KCTD7: variants seen among roughly 807,000 people sequenced by gnomAD.
KCTD7 encodes the protein potassium channel tetramerization domain containing 7.
In KCTD7, 15 loss-of-function variants were observed where a neutral mutation model predicts 27.0. That is an observed-to-expected ratio of 0.56 (90% CI 0.37 to 0.86). KCTD7 has a LOEUF of 0.86. Ranked by LOEUF, KCTD7 falls within the 40% of genes least tolerant of loss-of-function variation. KCTD7 has a pLI of 0.00. For synonymous variants in KCTD7, 159 were observed against 162.7 expected, an observed-to-expected ratio of 0.98 and a Z score of 0.17; for missense variants, 299 against 398.9, an observed-to-expected ratio of 0.75 and a Z score of 2.13.
intron 2 of KCTD7, among the ~76,000 whole-genome samples, chr7:66,637,285 C>T (rs150016646): frequency 3.7e-4 from 57 of 152,220 alleles, no homozygotes; most frequent in African/African-American, 1.2e-3. Flanking sequence ...GGAGTTTCAC[C>T]GTTTTGGCCA....
At position 66,641,256 on chromosome 7, in the gene KCTD7, A is replaced by G; in HGVS notation, c.*2024A>G. On this transcript the variant is annotated 3_prime_UTR_variant, in exon 4 of 4. Transcript: ENST00000639828. ...TATTGTTCTAAGAGAAAAGGCTTTC[A>G]TTTTGGTTCTTCTGATTGGTGTTAC... 1.0e-6 allele frequency: 1 copy of G among 985,274 alleles called. No homozygotes were observed. Among genetic ancestry groups the G allele is most frequent in the Non-Finnish European group, 1.2e-6 (1 of 829,910 alleles). 61.0% of individuals were successfully genotyped at this position (985,274 alleles called of 1,614,324 possible).
Position 66,641,029 on chromosome 7 carries a change from A to G in KCTD7, c.*1797A>G. The G allele has an allele frequency of 1.0e-6, 1 of 985,434 alleles. No homozygotes were observed. The highest frequency in any genetic ancestry group is 1.2e-6 in the Non-Finnish European group (1 of 829,968). The allele number at this position is 985,434 out of a possible 1,614,324, so 61.0% of individuals were successfully genotyped here. On this transcript the variant is annotated 3_prime_UTR_variant, in exon 4 of 4. Transcript: ENST00000639828. ...GATCTCCTGTTCCCTATGTGTAAACAAAGATTCCAGGGCGTGGTTTTGCAC... is the reference window on the plus strand; with the variant it reads ...GATCTCCTGTTCCCTATGTGTAAACGAAGATTCCAGGGCGTGGTTTTGCAC...
chr7:66,642,548 C>G lies in KCTD7; in HGVS notation c.*3316C>G. On this transcript the variant is annotated 3_prime_UTR_variant, in exon 4 of 4. Coordinates refer to ENST00000639828, the MANE Select transcript of KCTD7 (RefSeq NM_153033.5). Reference sequence around the variant, plus strand: ...GCAAACAGCAATAACAAAACAAAAACTACTGATGCTGAGCGTTTTGATCCT... The same window carrying G: ...GCAAACAGCAATAACAAAACAAAAAGTACTGATGCTGAGCGTTTTGATCCT... 4 of 985,352 alleles carry G rather than the reference C, an allele frequency of 4.1e-6. No homozygotes were observed. Among genetic ancestry groups the G allele is most frequent in the Non-Finnish European group, 4.8e-6 (4 of 829,852 alleles). The allele number at this position is 985,352 out of a possible 1,614,324, so 61.0% of individuals were successfully genotyped here.
chr7:66,634,738 A>T (rs1165642586), intron 2 of KCTD7, among the ~76,000 whole-genome samples: 1 of 130,694 alleles, frequency 7.7e-6, no homozygotes, highest in African/African-American at 3.1e-5. Context: ...ATAAAAAGAG[A>T]TGGAAGACTG....
At position 66,640,489 on chromosome 7, in the gene KCTD7, T is replaced by C. The variant is rs1786690881; in HGVS notation, c.*1257T>C. 14 of 1,533,660 alleles carry C rather than the reference T, an allele frequency of 9.1e-6. No individual in the cohort carries two copies. Among genetic ancestry groups the C allele is most frequent in the Non-Finnish European group, 1.2e-5 (14 of 1,145,524 alleles). On this transcript the variant is annotated 3_prime_UTR_variant, in exon 4 of 4. Transcript: ENST00000639828. ...ACTAGTCAGGGTCTGGACATGCATC[T>C]CCTAAAGGAAGAACTGTGTAGCACC...
At chr7:66,634,352 T>G (rs536615493) in intron 2 of KCTD7, among the ~76,000 whole-genome samples, 62 of 151,976 alleles carry the variant, frequency 4.1e-4, no homozygotes, top group Admixed American at 3.3e-4. Context: ...GTTTTAGGTG[T>G]TGTTTTTTTT....
intron 2 of KCTD7, among the ~76,000 whole-genome samples, chr7:66,634,109 T>TATAC (rs1199401511): frequency 6.7e-5 from 5 of 74,392 alleles, no homozygotes; most frequent in Non-Finnish European, 1.3e-4. Flanking sequence ...TGGGTGTGTG[T>TATAC]ATACATATAT....
intron 1 of KCTD7, among the ~76,000 whole-genome samples, chr7:66,630,608 T>C (rs1786423267): frequency 6.6e-6 from 1 of 152,188 alleles, no homozygotes; most frequent in Non-Finnish European, 1.5e-5. Flanking sequence ...GGGAAGCAGA[T>C]AGTGTTGTGC....
Position 66,640,836 on chromosome 7 carries a change from T to A in KCTD7, c.*1604T>A. On this transcript the variant is annotated 3_prime_UTR_variant, in exon 4 of 4. Coordinates refer to ENST00000639828, the MANE Select transcript of KCTD7 (RefSeq NM_153033.5). ...AGCCTGGGCAACACCATCGTAAAAA[T>A]AAATAAATAAATAAATAAATTGGGG... 1 of 935,376 alleles carries A rather than the reference T, an allele frequency of 1.1e-6. No homozygotes were observed. The highest frequency in any genetic ancestry group is 1.2e-4 in the East Asian group (1 of 8,636). The allele number at this position is 935,376 out of a possible 1,614,324, so 57.9% of individuals were successfully genotyped here. A position where few individuals can be genotyped will look rare whatever the true frequency, so the allele number is the denominator to read the frequency against.
intron 1 of KCTD7, among the ~76,000 whole-genome samples, chr7:66,631,922 A>G (rs1584394783): frequency 6.6e-6 from 1 of 152,194 alleles, no homozygotes; most frequent in Non-Finnish European, 1.5e-5. Flanking sequence ...ATTGGTGACC[A>G]AGATGCTTTC....
At chr7:66,631,554 A>G (rs1265616150) in intron 1 of KCTD7, among the ~76,000 whole-genome samples, 1 of 149,632 alleles carries the variant, frequency 6.7e-6, no homozygotes, top group Non-Finnish European at 1.5e-5. Context: ...GGGTGTTGCA[A>G]TGAGATTCCG....
intron 1 of KCTD7, among the ~76,000 whole-genome samples, chr7:66,630,306 C>T (rs551391632): frequency 2.0e-5 from 3 of 152,130 alleles, no homozygotes; most frequent in South Asian, 4.2e-4. Context: ...AGAAGGGAAA[C>T]GATGCCAGGT....
In KCTD7 at chr7:66,642,445, A is replaced by C. The variant is rs1054146651; in HGVS notation, c.*3213A>C. On this transcript the variant is annotated 3_prime_UTR_variant, in exon 4 of 4. Transcript: ENST00000639828. The stretch of plus-strand genomic sequence containing the variant: ...CTGGGCTGCTTGCTGGAGGAATAGG[A>C]AGTGACATTTATAAGACACAGGCGG... The C allele has an allele frequency of 2.0e-6, 2 of 985,310 alleles. No homozygotes were observed. Among genetic ancestry groups the C allele is most frequent in the African/African-American group, 3.5e-5 (2 of 57,234 alleles). The allele number at this position is 985,310 out of a possible 1,614,324, so 61.0% of individuals were successfully genotyped here.
At position 66,639,804 on chromosome 7, in the gene KCTD7, T is replaced by C; in HGVS notation, c.*572T>C. On this transcript the variant is annotated 3_prime_UTR_variant, in exon 4 of 4. Coordinates refer to ENST00000639828, the MANE Select transcript of KCTD7 (RefSeq NM_153033.5). The stretch of plus-strand genomic sequence containing the variant: ...ACATTCCCAAAATGTGGAAAGACTT[T>C]TCTTTTCCTTCCGGAACATGTTCTT... 1 of 1,249,990 alleles carries C rather than the reference T, an allele frequency of 8.0e-7. No individual in the cohort carries two copies. The highest frequency in any genetic ancestry group is 1.0e-6 in the Non-Finnish European group (1 of 998,398). 77.4% of individuals were successfully genotyped at this position (1,249,990 alleles called of 1,614,324 possible).
intron 1 of KCTD7, among the ~76,000 whole-genome samples, chr7:66,632,499 A>G (rs546386504): frequency 2.7e-5 from 4 of 150,206 alleles, no homozygotes; most frequent in Admixed American, 2.7e-4. Context: ...AAAAAAAAAA[A>G]AAAAAAGAAA....
Position 66,629,214 on chromosome 7 carries a change from CG to C in KCTD7, c.144+9del, listed in dbSNP as rs1320825927. ...TGCCCCTGCTGCCACAGGAGGTACC[CG>C]GGCGGGCGGCGGGCCGCGGGGCGTG... On this transcript the variant is annotated splice_region_variant and intron_variant, in intron 1 of 3. Coordinates refer to ENST00000639828, the MANE Select transcript of KCTD7 (RefSeq NM_153033.5). 3 of 1,223,598 alleles carry C rather than the reference CG, an allele frequency of 2.5e-6. No individual in the cohort carries two copies. Among genetic ancestry groups the C allele is most frequent in the Non-Finnish European group, 3.1e-6 (3 of 968,434 alleles). The allele number at this position is 1,223,598 out of a possible 1,614,324, so 75.8% of individuals were successfully genotyped here. A position where few individuals can be genotyped will look rare whatever the true frequency, so the allele number is the denominator to read the frequency against.
intron 1 of KCTD7, 80 bp downstream of exon 1, chr7:66,629,288 C>G: frequency 6.9e-5 from 10 of 144,624 alleles, no homozygotes; most frequent in East Asian, 2.4e-4. Context: ...CGGTCCTCGG[C>G]GGGTGGGCGG....
chr7:66,640,767 C>A lies in KCTD7; in HGVS notation c.*1535C>A. 9.8e-7 allele frequency: 1 copy of A among 1,024,084 alleles called. No homozygotes were observed. 63.4% of individuals were successfully genotyped at this position (1,024,084 alleles called of 1,614,324 possible). ...ATCACTTGAGCCCAGGAGATTAAGACTGTAGTATACTATGATCGTGCCTGT... is the reference window on the plus strand; with the variant it reads ...ATCACTTGAGCCCAGGAGATTAAGAATGTAGTATACTATGATCGTGCCTGT... On this transcript the variant is annotated 3_prime_UTR_variant, in exon 4 of 4. Transcript: ENST00000639828.
intron 2 of KCTD7, 149 bp downstream of exon 2, chr7:66,633,593 A>ATAT (rs368651767): frequency 0.027 from 17,226 of 633,060 alleles, 152 homozygotes; most frequent in East Asian, 0.072. Context: ...AAAGAGATCA[A>ATAT]TTTTTTTTTT....
Sources: allele counts gnomAD v4.1 joint callset (sites outside exome capture counted in the v4.1 genomes callset), GRCh38; gene constraint gnomAD v4.1.1; transcripts MANE v1.5; gene names NCBI Gene and HGNC (gene_info 2026-07-23, HGNC 2026-07-21).